Variants in VPS13B observed in about 807,000 individuals in gnomAD.
VPS13B encodes intermembrane lipid transfer protein VPS13B.
A neutral mutation model predicts 426.4 loss-of-function variants in VPS13B; 285 were observed. That is an observed-to-expected ratio of 0.67 (90% CI 0.61 to 0.74). The LOEUF (loss-of-function observed/expected upper bound fraction) is 0.74. Among genes scored for constraint, VPS13B ranks in the 30% least tolerant of loss-of-function variants. The probability of loss-of-function intolerance (pLI) is 0.00; values close to 1 mark genes in which losing one functional copy is unlikely to be tolerated. For missense variants in VPS13B, 4,537 were observed against 4,782.6 expected (o/e 0.95, Z 1.51); for synonymous variants, 1,676 against 1,676.4 (o/e 1.00, Z 0.01).
At chr8:99,778,564 C>T in intron 41 of VPS13B, 118 bp from the exon 42 acceptor site, 1 of 895,128 alleles carries the variant, frequency 1.1e-6, no homozygotes, top group Non-Finnish European at 1.8e-6. Context: ...ATTTATTAAA[C>T]ACCAAAAACT....
rs895951709 is a variant in VPS13B at position 99,776,624 on chromosome 8, A to C, written c.7248-151A>C. ...ACGAGCTTAATTTTAAAAAATAGCT[A>C]ATTTACATAGGAAAATACAGAAGAT... is the stretch of plus-strand genomic sequence containing the variant. On this transcript the variant is annotated intron_variant, in intron 40 of 61. Transcript: ENST00000357162. 3 of 783,744 alleles carry C rather than the reference A, an allele frequency of 3.8e-6. No homozygotes were observed. In the African/African-American group the frequency reaches 5.3e-5, roughly 14 times the overall value. 48.5% of individuals were successfully genotyped at this position (783,744 alleles called of 1,614,324 possible).
At chr8:99,818,375 A>T (rs1814166455) in intron 45 of VPS13B, 76 bp from the exon 46 acceptor site, 1 of 1,367,592 alleles carries the variant, frequency 7.3e-7, no homozygotes, top group East Asian at 2.3e-5. Context: ...TTCCAAACTG[A>T]TGTATCTGTG....
chr8:99,463,584 T>C (rs1818946119), intron 23 of VPS13B, among the ~76,000 whole-genome samples: 2 of 152,212 alleles, frequency 1.3e-5, no homozygotes, highest in South Asian at 4.1e-4. Context: ...TGTCTTCCTC[T>C]TCTATGAAGA....
At chr8:99,560,323 T>A (rs533729265) in intron 31 of VPS13B, among the ~76,000 whole-genome samples, 1 of 152,296 alleles carries the variant, frequency 6.6e-6, no homozygotes, top group Admixed American at 6.5e-5. Flanking sequence ...ACGATGGGAT[T>A]TTCTAAATAT....
chr8:99,845,411 A>T (rs1478849579), intron 54 of VPS13B, among the ~76,000 whole-genome samples: 1 of 152,176 alleles, frequency 6.6e-6, no homozygotes, highest in African/African-American at 2.4e-5. Context: ...ATTCTGAGGA[A>T]GTGGCCAAGT....
chr8:99,122,802 A>G (rs918377695), intron 8 of VPS13B, among the ~76,000 whole-genome samples: 2 of 152,054 alleles, frequency 1.3e-5, no homozygotes, highest in Non-Finnish European at 2.9e-5. Flanking sequence ...TTCATTGAAT[A>G]TAAAGGTTAG....
At chr8:99,554,637 G>A (rs891051887) in intron 30 of VPS13B, among the ~76,000 whole-genome samples, 1 of 152,122 alleles carries the variant, frequency 6.6e-6, no homozygotes, top group African/African-American at 2.4e-5. Context: ...CAAGCATAGA[G>A]AGACCCTAAG....
At chr8:99,635,253 G>A (rs1232199639) in intron 33 of VPS13B, among the ~76,000 whole-genome samples, 2 of 151,894 alleles carry the variant, frequency 1.3e-5, no homozygotes, top group Non-Finnish European at 2.9e-5. Flanking sequence ...TATAGCAAGG[G>A]CGGTAAAATT....
intron 56 of VPS13B, among the ~76,000 whole-genome samples, chr8:99,856,255 T>C (rs1467705822): frequency 1.3e-5 from 2 of 152,212 alleles, no homozygotes; most frequent in African/African-American, 4.8e-5. Flanking sequence ...GGGATTCTAA[T>C]ATAGAGGGCC....
Position 99,392,850 on chromosome 8 carries a change from A to T in VPS13B, c.3082+1146A>T, listed in dbSNP as rs532041159. On this transcript the variant is annotated intron_variant, in intron 21 of 61. Coordinates refer to ENST00000357162, the MANE Select transcript of VPS13B (RefSeq NM_152564.5). ...GCCACAAGCCTTTTACTTTGTTGAG[A>T]TTTTATCAATTGACAAAAATGCCTG... 8.3e-4 allele frequency among the ~76,000 whole-genome samples: 126 copies of T among 152,152 alleles called. No homozygotes were observed. The Middle Eastern group carries it at 0.01, about 12-fold the overall frequency.
rs368722996 is a variant in VPS13B, at chr8:99,730,204, A to T, written c.7050+9157A>T. 8.2e-4 allele frequency among the ~76,000 whole-genome samples: 125 copies of T among 152,306 alleles called. 1 individual carries two copies. In the South Asian group the frequency reaches 0.025, roughly 31 times the overall value. On this transcript the variant is annotated intron_variant, in intron 39 of 61. Transcript: ENST00000357162. ...CCAGAAGGCTTTGCTCCTATCCATCATCTTTAGGAGGGATGCTCAAAGCCA... is the reference window on the plus strand; with the variant it reads ...CCAGAAGGCTTTGCTCCTATCCATCTTCTTTAGGAGGGATGCTCAAAGCCA...
chr8:99,047,524 A>G (rs1843298314), intron 3 of VPS13B, among the ~76,000 whole-genome samples: 1 of 151,696 alleles, frequency 6.6e-6, no homozygotes, highest in South Asian at 2.1e-4. Flanking sequence ...TTTCAGTTTA[A>G]TTTATTTCTG....
At chr8:99,175,450 C>A (rs1487580277) in intron 16 of VPS13B, among the ~76,000 whole-genome samples, 1 of 152,122 alleles carries the variant, frequency 6.6e-6, no homozygotes, top group Non-Finnish European at 1.5e-5. Context: ...TCTATTTTAT[C>A]ATTTACTACC....
intron 3 of VPS13B, among the ~76,000 whole-genome samples, chr8:99,070,565 T>C (rs1844801785): frequency 6.6e-6 from 1 of 152,188 alleles, no homozygotes; most frequent in African/African-American, 2.4e-5. Context: ...AAATAAGTAG[T>C]AAAAGTTAAT....
intron 3 of VPS13B, among the ~76,000 whole-genome samples, chr8:99,090,857 C>CA (rs1846104179): frequency 6.6e-6 from 1 of 151,360 alleles, no homozygotes; most frequent in Non-Finnish European, 1.5e-5. Context: ...TCTGTATTTA[C>CA]TTTTTTTTTC....
At chr8:99,758,346 C>A (rs1810746298) in intron 39 of VPS13B, among the ~76,000 whole-genome samples, 1 of 152,058 alleles carries the variant, frequency 6.6e-6, no homozygotes, top group South Asian at 2.1e-4. Flanking sequence ...TAAGTTAATG[C>A]AAAGTTTGTT....
intron 19 of VPS13B, among the ~76,000 whole-genome samples, chr8:99,332,231 AGGTTT>A (rs1378153240): frequency 6.6e-6 from 1 of 151,624 alleles, no homozygotes; most frequent in Non-Finnish European, 1.5e-5. Context: ...ACTGTGACTT[AGGTTT>A]TTTCAGTATT....
At chr8:99,461,642 C>T (rs559187400) in intron 23 of VPS13B, among the ~76,000 whole-genome samples, 1 of 152,228 alleles carries the variant, frequency 6.6e-6, no homozygotes, top group African/African-American at 2.4e-5. Context: ...TTGACAATTT[C>T]TCATCCAGAC....
At chr8:99,737,481 T>G (rs553339731) in intron 39 of VPS13B, among the ~76,000 whole-genome samples, 1 of 152,274 alleles carries the variant, frequency 6.6e-6, no homozygotes, top group East Asian at 1.9e-4. Context: ...AGCATAATAT[T>G]TTTGAAATCA....
Sources: gnomAD v4.1 joint callset for allele counts (sites outside exome capture counted in the v4.1 genomes callset) on GRCh38, gnomAD v4.1.1 for gene constraint, MANE v1.5 for transcripts, NCBI Gene and HGNC (gene_info 2026-07-23, HGNC 2026-07-21) for gene names.